IQGAP2: variants seen among roughly 807,000 people sequenced by gnomAD.
IQGAP2 encodes the protein IQ motif containing GTPase activating protein 2, also known as ras GTPase-activating-like protein IQGAP2.
A neutral mutation model predicts 201.3 loss-of-function variants in IQGAP2; 173 were observed. The ratio of observed to expected loss-of-function variants is 0.86; its 90% CI spans 0.76 to 0.98. The LOEUF is 0.98. IQGAP2 is among the 50% of genes least tolerant of loss of function. IQGAP2 has a pLI of 0.00. For synonymous variants in IQGAP2, 675 were observed against 673.9 expected (o/e 1.00, Z -0.03); for missense variants, 1,687 against 1,864.8 (o/e 0.90, Z 1.76).
At chr5:76,573,018 C>T (rs747742253) in intron 4 of IQGAP2, among the ~76,000 whole-genome samples, 2 of 152,038 alleles carry the variant, frequency 1.3e-5, no homozygotes, top group Non-Finnish European at 2.9e-5. Context: ...CCTAAAATGC[C>T]CAGAACGTTA....
At chr5:76,444,341 C>T (rs1427178958) in intron 1 of IQGAP2, among the ~76,000 whole-genome samples, 2 of 152,218 alleles carry the variant, frequency 1.3e-5, no homozygotes, top group Non-Finnish European at 2.9e-5. Context: ...TCTCGTCACC[C>T]AGGCTGGAGT....
Position 76,600,798 on chromosome 5 carries a change from A to G in IQGAP2, c.1072-14A>G, listed in dbSNP as rs1340684901. 55 of 1,613,542 alleles carry G rather than the reference A, an allele frequency of 3.4e-5. No individual in the cohort carries two copies. Among genetic ancestry groups the G allele is most frequent in the Non-Finnish European group, 3.9e-5 (46 of 1,179,640 alleles). ...TTGTGTGGGGAGCTTATGTTGCCATATGTTTTCCAACAGAACTACTTGGCC... is the reference window on the plus strand; with the variant it reads ...TTGTGTGGGGAGCTTATGTTGCCATGTGTTTTCCAACAGAACTACTTGGCC... On this transcript the variant is annotated splice_polypyrimidine_tract_variant and intron_variant, in intron 10 of 35. Transcript: ENST00000274364.
At chr5:76,691,007 AC>A (rs1746211661) in intron 30 of IQGAP2, among the ~76,000 whole-genome samples, 1 of 152,218 alleles carries the variant, frequency 6.6e-6, no homozygotes, top group South Asian at 2.1e-4. Flanking sequence ...AAAAAACAAA[AC>A]CTACAAGGAT....
At chr5:76,569,519 C>G (rs1744967593) in intron 3 of IQGAP2, among the ~76,000 whole-genome samples, 3 of 151,974 alleles carry the variant, frequency 2.0e-5, no homozygotes, top group African/African-American at 7.2e-5. Flanking sequence ...ACACATGGTT[C>G]AATCACGAAT....
intron 13 of IQGAP2, among the ~76,000 whole-genome samples, chr5:76,626,378 T>C (rs1245221139): frequency 7.2e-6 from 1 of 138,170 alleles, no homozygotes; most frequent in East Asian, 2.4e-4. Context: ...GTTCAAGCAA[T>C]CCTCCCGCCT....
chr5:76,593,674 A>G (rs1746818808), intron 9 of IQGAP2, among the ~76,000 whole-genome samples: 2 of 152,212 alleles, frequency 1.3e-5, no homozygotes, highest in African/African-American at 4.8e-5. Context: ...TTCCCTGGTC[A>G]ATCTAGATAA....
intron 2 of IQGAP2, among the ~76,000 whole-genome samples, chr5:76,539,336 G>A (rs983606453): frequency 3.9e-5 from 6 of 152,104 alleles, no homozygotes; most frequent in African/African-American, 7.2e-5. Flanking sequence ...TGCCACTCCC[G>A]AATCTCTGAC....
At position 76,590,437 on chromosome 5, in the gene IQGAP2, G is replaced by A. The variant is rs199711600; in HGVS notation, c.670G>A (p.Ala224Thr). 2.0e-4 allele frequency: 324 copies of A among 1,609,030 alleles called. No homozygotes were observed. Among genetic ancestry groups the A allele is most frequent in the Admixed American group, 3.0e-4 (18 of 59,120 alleles). ...TGCTGCAGTTATAGCCATTAATGAAGCAGTTGAAAAAGGAATAGCAGAGCA... is the reference window on the plus strand; with the variant it reads ...TGCTGCAGTTATAGCCATTAATGAAACAGTTGAAAAAGGAATAGCAGAGCA... ...LHAAVIAINE[A>T]VEKGIAEQTV... is the part of the protein sequence containing the mutation. Residue 224 changes from alanine to threonine, a missense_variant, in exon 8 of 36, where the codon GCA becomes ACA. Transcript: ENST00000274364.
chr5:76,627,748 A>G (rs1297833357), intron 14 of IQGAP2, among the ~76,000 whole-genome samples: 2 of 152,242 alleles, frequency 1.3e-5, no homozygotes, highest in African/African-American at 2.4e-5. Flanking sequence ...CTCAAATTGT[A>G]TAATTGAATA....
intron 2 of IQGAP2, among the ~76,000 whole-genome samples, chr5:76,546,625 C>T (rs1477526327): frequency 2.6e-5 from 4 of 152,154 alleles, no homozygotes; most frequent in Admixed American, 2.6e-4. Flanking sequence ...CTCTGTCACG[C>T]CTGGCACAAG....
At chr5:76,592,484 A>G (rs1241874705) in intron 8 of IQGAP2, among the ~76,000 whole-genome samples, 1 of 152,178 alleles carries the variant, frequency 6.6e-6, no homozygotes, top group Non-Finnish European at 1.5e-5. Flanking sequence ...CTGTTCTTCT[A>G]GGTATATTTA....
chr5:76,479,576 G>A (rs1011876704), intron 2 of IQGAP2, among the ~76,000 whole-genome samples: 3 of 152,076 alleles, frequency 2.0e-5, no homozygotes, highest in Non-Finnish European at 2.9e-5. Flanking sequence ...ACATAGGACC[G>A]GGTGCTCCTC....
At position 76,483,956 on chromosome 5, in the gene IQGAP2, AT is replaced by A. The variant is rs60773270; in HGVS notation, c.146+22289del. ...CCTTCTTCCTGAGAAGCCTTCTAGA[AT>A]TCCCCTAAAGAACTAGGGGACGCAA... On this transcript the variant is annotated intron_variant, in intron 2 of 35. Coordinates refer to ENST00000274364, the MANE Select transcript of IQGAP2 (RefSeq NM_006633.5). 5.4e-3 allele frequency among the ~76,000 whole-genome samples: 817 copies of A among 152,220 alleles called. 9 individuals are homozygous for A. Among genetic ancestry groups the A allele is most frequent in the African/African-American group, 0.019 (797 of 41,530 alleles).
chr5:76,681,960 A>T (rs1165263284), intron 28 of IQGAP2, among the ~76,000 whole-genome samples: 2 of 152,364 alleles, frequency 1.3e-5, no homozygotes, highest in Middle Eastern at 3.4e-3. Flanking sequence ...ATGCTAATTG[A>T]AATGAGCCAG....
chr5:76,446,001 G>A (rs545249287), intron 1 of IQGAP2, among the ~76,000 whole-genome samples: 15 of 152,258 alleles, frequency 9.9e-5, no homozygotes, highest in African/African-American at 3.6e-4. Context: ...TATCCACACT[G>A]TAGCATGTGT....
chr5:76,596,480 C>T (rs1747041616), intron 9 of IQGAP2, among the ~76,000 whole-genome samples: 1 of 152,190 alleles, frequency 6.6e-6, no homozygotes, highest in South Asian at 2.1e-4. Flanking sequence ...TTATAATCTG[C>T]ACCTTACAAC....
intron 34 of IQGAP2, 146 bp from the exon 35 acceptor site, chr5:76,702,336 T>A (rs900064769): frequency 1.9e-5 from 11 of 571,114 alleles, no homozygotes; most frequent in Non-Finnish European, 3.1e-5. Context: ...GGGGGAAAGA[T>A]GACGTGAGGT....
intron 13 of IQGAP2, among the ~76,000 whole-genome samples, chr5:76,615,157 G>T (rs1255300018): frequency 6.6e-6 from 1 of 152,214 alleles, no homozygotes; most frequent in Admixed American, 6.5e-5. Context: ...GGTTTTGCTT[G>T]TGAACATATG....
At chr5:76,423,831 A>G (rs1751859437) in intron 1 of IQGAP2, among the ~76,000 whole-genome samples, 1 of 152,188 alleles carries the variant, frequency 6.6e-6, no homozygotes, top group African/African-American at 2.4e-5. Context: ...GTAACTCATG[A>G]TGATAATTTA....
Sources: allele counts gnomAD v4.1 joint callset (sites outside exome capture counted in the v4.1 genomes callset), GRCh38; gene constraint gnomAD v4.1.1; transcripts MANE v1.5; gene names NCBI Gene and HGNC (gene_info 2026-07-23, HGNC 2026-07-21).